The following DYNC2H1 variants were observed in gnomAD, a reference collection of about 807,000 sequenced individuals.
DYNC2H1 encodes dynein cytoplasmic 2 heavy chain 1.
DYNC2H1 carries 410 observed loss-of-function variants against 570.0 expected under a neutral mutation model. That is an observed-to-expected ratio of 0.72 (90% CI 0.66 to 0.78). The LOEUF is 0.78. DYNC2H1 is among the 30% of genes least tolerant of loss of function. The pLI is 0.00. For synonymous variants in DYNC2H1, 1,688 were observed against 1,677.6 expected (o/e 1.01, Z -0.15); for missense variants, 4,865 against 5,046.4 (o/e 0.96, Z 1.09).
Position 103,243,828 on chromosome 11 carries a change from T to G in DYNC2H1, c.9918+37T>G. ...TTATAATTTACATACCAATTAGGAATGACCTCTTATAGTGAAAAGATCTTG... is the reference window on the plus strand; with the variant it reads ...TTATAATTTACATACCAATTAGGAAGGACCTCTTATAGTGAAAAGATCTTG... On this transcript the variant is annotated intron_variant, in intron 64 of 88. Coordinates refer to ENST00000375735, the MANE Select transcript of DYNC2H1 (RefSeq NM_001377.3). The surrounding 1 kb of genome is among the most constrained non-coding windows in gnomAD (Gnocchi z 4.8). 1 of 1,460,312 alleles carries G rather than the reference T, an allele frequency of 6.8e-7. No homozygotes were observed. Among genetic ancestry groups the G allele is most frequent in the Non-Finnish European group, 9.4e-7 (1 of 1,068,858 alleles). The allele number at this position is 1,460,312 out of a possible 1,614,324, so 90.5% of individuals were successfully genotyped here.
intron 13 of DYNC2H1, among the ~76,000 whole-genome samples, chr11:103,132,180 C>T (rs1055546798): frequency 6.6e-5 from 10 of 151,654 alleles, no homozygotes; most frequent in Non-Finnish European, 1.0e-4. Context: ...TTCATTTTTC[C>T]CTTTATTTTC....
At chr11:103,148,801 G>A (rs1383368601) in intron 20 of DYNC2H1, among the ~76,000 whole-genome samples, 184 bp downstream of exon 20, 1 of 152,128 alleles carries the variant, frequency 6.6e-6, no homozygotes, top group Non-Finnish European at 1.5e-5. Context: ...GCTCACGCCT[G>A]TAATCTCAGT....
chr11:103,364,135 A>G (rs973589031), intron 83 of DYNC2H1, among the ~76,000 whole-genome samples: 2 of 152,238 alleles, frequency 1.3e-5, no homozygotes, highest in African/African-American at 4.8e-5. Flanking sequence ...TGTGAATACT[A>G]TTAACAATAT....
intron 81 of DYNC2H1, among the ~76,000 whole-genome samples, chr11:103,323,078 C>T (rs753702424): frequency 6.6e-6 from 1 of 152,164 alleles, no homozygotes; most frequent in Non-Finnish European, 1.5e-5. Flanking sequence ...GAGGGGAAGT[C>T]AGAGGCCAAG....
In DYNC2H1 at chr11:103,154,591, A is replaced by G; in HGVS notation, c.3443A>G (p.Asp1148Gly). 1 of 1,597,110 alleles carries G rather than the reference A, an allele frequency of 6.3e-7. No homozygotes were observed. The highest frequency in any genetic ancestry group is 8.5e-7 in the Non-Finnish European group (1 of 1,173,512). The change falls in exon 23 of 89, where the codon GAC becomes GGC. Residue 1148 changes from aspartate (D) to glycine (G), a missense_variant. By Grantham distance (94) the Asp-to-Gly change is moderately conservative. Coordinates refer to ENST00000375735, the MANE Select transcript of DYNC2H1 (RefSeq NM_001377.3). Reference sequence around the variant, plus strand: ...GGATTTCAGGAAATGGCCAATGAAGACTGGATCACTTTTCGGTTTGATTCA... The same window carrying G: ...GGATTTCAGGAAATGGCCAATGAAGGCTGGATCACTTTTCGGTTTGATTCA... Reference protein sequence around the residue: ...QQGFQEMANEDWITFRTKTYL... With the variant: ...QQGFQEMANEGWITFRTKTYL...
At position 103,215,654 on chromosome 11, in the gene DYNC2H1, G is replaced by A. The variant is rs1863349240; in HGVS notation, c.8695-67G>A. On this transcript the variant is annotated intron_variant, in intron 54 of 88. Transcript: ENST00000375735. ...TGTTTGCTTGATTCTTTTCTATAGGGCTTTATTTACTGTGTGTGTAAAATT... is the reference window on the plus strand; with the variant it reads ...TGTTTGCTTGATTCTTTTCTATAGGACTTTATTTACTGTGTGTGTAAAATT... 1.5e-5 allele frequency: 20 copies of A among 1,320,060 alleles called. No homozygotes were observed. In the South Asian group the frequency reaches 2.9e-4, roughly 19 times the overall value. 81.8% of individuals were successfully genotyped at this position (1,320,060 alleles called of 1,614,324 possible).
At chr11:103,476,405 T>C (rs1012900896) in intron 88 of DYNC2H1, among the ~76,000 whole-genome samples, 1 of 152,220 alleles carries the variant, frequency 6.6e-6, no homozygotes, top group African/African-American at 2.4e-5. Context: ...GTATTTTGTT[T>C]CCTAAAGTAA....
intron 83 of DYNC2H1, among the ~76,000 whole-genome samples, chr11:103,393,439 T>G (rs192888538): frequency 3.9e-5 from 6 of 152,304 alleles, no homozygotes; most frequent in Admixed American, 2.0e-4. Context: ...GAAATAAAAA[T>G]TTTTATTAAT....
At chr11:103,281,985 A>G (rs1866157319) in intron 71 of DYNC2H1, among the ~76,000 whole-genome samples, 194 bp from the exon 72 acceptor site, 1 of 151,998 alleles carries the variant, frequency 6.6e-6, no homozygotes, top group Non-Finnish European at 1.5e-5. Flanking sequence ...TTCTTAGTAG[A>G]TTTCATATTA....
chr11:103,194,720 T>A (rs992578032), intron 47 of DYNC2H1, among the ~76,000 whole-genome samples: 4 of 148,868 alleles, frequency 2.7e-5, no homozygotes, highest in Non-Finnish European at 4.5e-5. Context: ...TCCAATCAAA[T>A]TTTTTTTTTT....
intron 80 of DYNC2H1, among the ~76,000 whole-genome samples, chr11:103,320,779 A>G (rs1230917891): frequency 2.0e-5 from 3 of 152,170 alleles, no homozygotes; most frequent in East Asian, 1.9e-4. Context: ...AGGTTTCTCC[A>G]TATGTATAAT....
intron 85 of DYNC2H1, chr11:103,454,870 C>T (rs938880352): frequency 1.8e-5 from 4 of 218,642 alleles, no homozygotes; most frequent in South Asian, 1.3e-4. Context: ...CTCAGTATTT[C>T]GTCAGCACAC....
chr11:103,389,412 C>G (rs1942036318), intron 83 of DYNC2H1, among the ~76,000 whole-genome samples: 2 of 152,072 alleles, frequency 1.3e-5, no homozygotes, highest in African/African-American at 4.8e-5. Context: ...GTGTTGCTAG[C>G]AGTCTATCAA....
chr11:103,176,432 C>G lies in DYNC2H1; in HGVS notation c.5872C>G (p.Gln1958Glu). ...EEANYEIIPNQIKKALELYEQ... is the reference protein window; with the variant it reads ...EEANYEIIPNEIKKALELYEQ... The stretch of plus-strand genomic sequence containing the variant: ...GGCCAATTATGAAATTATACCCAAT[C>G]AGGTAACTGTCAAGAATATTTTATA... Residue 1958 changes from glutamine to glutamate, a missense_variant and splice_region_variant, in exon 37 of 89, where the codon CAG (glutamine) becomes GAG (glutamate). Coordinates refer to ENST00000375735, the MANE Select transcript of DYNC2H1 (RefSeq NM_001377.3). 1 of 1,513,330 alleles carries G rather than the reference C, an allele frequency of 6.6e-7. No individual in the cohort carries two copies. The highest frequency in any genetic ancestry group is 8.8e-7 in the Non-Finnish European group (1 of 1,135,768). 93.7% of individuals were successfully genotyped at this position (1,513,330 alleles called of 1,614,324 possible).
intron 78 of DYNC2H1, among the ~76,000 whole-genome samples, chr11:103,308,702 GAT>G (rs1867419795): frequency 6.6e-6 from 1 of 152,166 alleles, no homozygotes; most frequent in Non-Finnish European, 1.5e-5. Context: ...GGTGTGAGGT[GAT>G]GTCTGTTTGT....
intron 55 of DYNC2H1, 64 bp from the exon 56 acceptor site, chr11:103,219,851 G>T: frequency 1.1e-6 from 1 of 925,254 alleles, no homozygotes; most frequent in Non-Finnish European, 1.6e-6. Flanking sequence ...TTATATTTTG[G>T]ATTTCATGCT....
chr11:103,263,502 A>G (rs1051364223), intron 70 of DYNC2H1, among the ~76,000 whole-genome samples: 2 of 152,226 alleles, frequency 1.3e-5, no homozygotes, highest in African/African-American at 4.8e-5. Flanking sequence ...GGAAATCATA[A>G]CAAATAGTCT....
chr11:103,203,814 T>A lies in DYNC2H1; in HGVS notation c.8311+38T>A, dbSNP rs1274950787. 1 of 1,388,660 alleles carries A rather than the reference T, an allele frequency of 7.2e-7. No homozygotes were observed. Among genetic ancestry groups the A allele is most frequent in the Non-Finnish European group, 1.0e-6 (1 of 997,338 alleles). 86.0% of individuals were successfully genotyped at this position (1,388,660 alleles called of 1,614,324 possible). ...GAATTCATTAATCAAATCAAACTGG[T>A]TTGTATGAAATATATATCATTTAAT... is the stretch of plus-strand genomic sequence containing the variant. On this transcript the variant is annotated intron_variant, in intron 51 of 88. Transcript: ENST00000375735. The surrounding 1 kb of genome is among the most constrained non-coding windows in gnomAD (Gnocchi z 4.7).
intron 30 of DYNC2H1, among the ~76,000 whole-genome samples, chr11:103,164,597 CTAGTTATCCTGAG>C (rs1726686352): frequency 6.6e-6 from 1 of 152,172 alleles, no homozygotes; most frequent in Admixed American, 6.5e-5. Context: ...TTAATCTTTG[CTAGTTATCCTGAG>C]TAGAACATTT....
Sources: allele counts gnomAD v4.1 joint callset (sites outside exome capture counted in the v4.1 genomes callset), GRCh38; gene constraint gnomAD v4.1.1; non-coding constraint Gnocchi (gnomAD v3.1); transcripts MANE v1.5; gene names NCBI Gene and HGNC (gene_info 2026-07-23, HGNC 2026-07-21).